TVP23B: variants seen among roughly 807,000 people sequenced by gnomAD.
TVP23B encodes Golgi apparatus membrane protein TVP23 homolog B.
In TVP23B, 10 loss-of-function variants were observed where a neutral mutation model predicts 30.6. The observed-to-expected ratio is 0.33, with a 90% CI of 0.20 to 0.55. The LOEUF (loss-of-function observed/expected upper bound fraction) is 0.55, where lower values mean the gene tolerates loss of function less well. TVP23B is among the 20% of genes least tolerant of loss of function. TVP23B has a pLI of 0.91. For missense variants in TVP23B, 153 were observed against 243.2 expected (o/e 0.63, Z 2.47); for synonymous variants, 67 against 83.1 (o/e 0.81, Z 1.06).
At chr17:18,804,896 G>A (rs1011013766) in intron 6 of TVP23B, among the ~76,000 whole-genome samples, 4 of 151,288 alleles carry the variant, frequency 2.6e-5, no homozygotes, top group African/African-American at 9.7e-5. Flanking sequence ...CCTGTATGTT[G>A]TATGGTTTTA....
chr17:18,804,877 C>T (rs1003462495), intron 6 of TVP23B, among the ~76,000 whole-genome samples: 3 of 151,148 alleles, frequency 2.0e-5, no homozygotes, highest in Admixed American at 6.6e-5. Context: ...CGTGAGCCAC[C>T]GTGCCCAGCC....
At position 18,797,580 on chromosome 17, in the gene TVP23B, A is replaced by C; in HGVS notation, c.242A>C (p.Asn81Thr). The change falls in exon 4 of 7, where the codon AAT becomes ACT. Residue 81 changes from asparagine (N) to threonine (T), a missense_variant and splice_region_variant. This residue lies in a region of TVP23B where 53 missense variants were observed against 128.0 expected (regional missense o/e 0.41). Coordinates refer to ENST00000307767, the MANE Select transcript of TVP23B (RefSeq NM_016078.6). ...CCTGTTTATATTAATCTTCACCAGA[A>C]TGTCACAGGTAGACTAATGGTTGGC... ...LLSCDFWAVK[N>T]VTGRLMVGLR... 6.2e-7 allele frequency: 1 copy of C among 1,612,564 alleles called. No individual in the cohort carries two copies. Among genetic ancestry groups the C allele is most frequent in the Non-Finnish European group, 8.5e-7 (1 of 1,179,358 alleles).
At chr17:18,791,597 C>T (rs1158906137) in intron 3 of TVP23B, among the ~76,000 whole-genome samples, 3 of 151,836 alleles carry the variant, frequency 2.0e-5, no homozygotes. Flanking sequence ...GAGGAGTGTG[C>T]TATTGACATC....
At chr17:18,783,107 T>TTATTTATC in intron 1 of TVP23B, among the ~76,000 whole-genome samples, 1 of 134,628 alleles carries the variant, frequency 7.4e-6, no homozygotes, top group African/African-American at 2.7e-5. Flanking sequence ...ATTGATTGAT[T>TTATTTATC]CATTCATTCA....
intron 1 of TVP23B, chr17:18,781,534 G>C (rs930640689): frequency 1.4e-5 from 9 of 657,660 alleles, no homozygotes; most frequent in African/African-American, 9.2e-5. Flanking sequence ...TCTTGCGGCT[G>C]TGGGGACGCC....
rs1242629769 is a variant in TVP23B at position 18,785,833 on chromosome 17, C to CA, written c.13-3508dup. Reference sequence around the variant, plus strand: ...CCTGGGCGAGAGCCAGACCCTGTGTCAAAAAAAAAAAATGGCCAGTCTGGG... The same window carrying CA: ...CCTGGGCGAGAGCCAGACCCTGTGTCAAAAAAAAAAAAATGGCCAGTCTGGG... On this transcript the variant is annotated intron_variant, in intron 1 of 6. Transcript: ENST00000307767. Among the ~76,000 whole-genome samples, 545 of 143,250 alleles carry CA rather than the reference C, an allele frequency of 3.8e-3. 3 individuals carry two copies. The highest frequency in any genetic ancestry group is 8.0e-3 in the South Asian group (36 of 4,504). 94.0% of individuals were successfully genotyped at this position (143,250 alleles called of 152,430 possible). A position where few individuals can be genotyped will look rare whatever the true frequency, so the allele number is the denominator to read the frequency against.
chr17:18,802,019 G>A (rs538881679), intron 5 of TVP23B, among the ~76,000 whole-genome samples: 5 of 152,018 alleles, frequency 3.3e-5, no homozygotes, highest in Admixed American at 2.0e-4. Flanking sequence ...TCAGGAGATC[G>A]AGACCATCCT....
intron 3 of TVP23B, among the ~76,000 whole-genome samples, chr17:18,795,426 C>A (rs897023527): frequency 2.0e-5 from 3 of 152,128 alleles, no homozygotes; most frequent in African/African-American, 4.8e-5. Context: ...CTCCTTCCTA[C>A]TCCATATCCA....
intron 1 of TVP23B, among the ~76,000 whole-genome samples, chr17:18,786,446 C>T (rs996272189): frequency 4.6e-5 from 7 of 150,614 alleles, no homozygotes; most frequent in African/African-American, 1.7e-4. Context: ...TGAGAGGTTT[C>T]AGTAGGGGAA....
chr17:18,783,857 G>C (rs1452080837), intron 1 of TVP23B, among the ~76,000 whole-genome samples: 4 of 152,186 alleles, frequency 2.6e-5, no homozygotes, highest in Admixed American at 2.0e-4. Flanking sequence ...CTTAAAAAAT[G>C]AAAACTTGGC....
chr17:18,802,443 G>C (rs2036182497), intron 5 of TVP23B, among the ~76,000 whole-genome samples: 1 of 151,946 alleles, frequency 6.6e-6, no homozygotes, highest in South Asian at 2.1e-4. Context: ...TTGGGTCATT[G>C]TTAGTTGGGA....
rs766706883 is a variant in TVP23B at position 18,789,462 on chromosome 17, G to A, written c.95+27G>A. ...TAGGAGGAGAGAAGTTGCATGAGCT[G>A]TGTTAGTGTCCAGTGCTGTTCTGTA... On this transcript the variant is annotated intron_variant, in intron 2 of 6. Coordinates refer to ENST00000307767, the MANE Select transcript of TVP23B (RefSeq NM_016078.6). 18 of 1,613,838 alleles carry A rather than the reference G, an allele frequency of 1.1e-5. No individual in the cohort carries two copies. The African/African-American group carries it at 2.0e-4, about 18-fold the overall frequency.
At chr17:18,791,573 A>G (rs2035995202) in intron 3 of TVP23B, among the ~76,000 whole-genome samples, 1 of 152,062 alleles carries the variant, frequency 6.6e-6, no homozygotes, top group African/African-American at 2.4e-5. Flanking sequence ...TTTGGTTGTC[A>G]TGACTGGAGG....
chr17:18,783,281 T>A (rs2035838663), intron 1 of TVP23B, among the ~76,000 whole-genome samples: 1 of 152,064 alleles, frequency 6.6e-6, no homozygotes, highest in African/African-American at 2.4e-5. Context: ...AATTTTTGTA[T>A]TTTTAGTAGA....
intron 5 of TVP23B, among the ~76,000 whole-genome samples, chr17:18,802,710 C>A (rs2036188359): frequency 1.3e-5 from 2 of 152,182 alleles, no homozygotes. Context: ...TCATGTCTGA[C>A]TTCACTGCAC....
intron 3 of TVP23B, chr17:18,797,259 A>C: frequency 3.4e-6 from 1 of 294,936 alleles, no homozygotes; most frequent in Non-Finnish European, 6.6e-6. Flanking sequence ...AAAGTAGGTC[A>C]CAGTAACCAA....
At chr17:18,794,357 G>A (rs2036043638) in intron 3 of TVP23B, among the ~76,000 whole-genome samples, 1 of 152,172 alleles carries the variant, frequency 6.6e-6, no homozygotes, top group African/African-American at 2.4e-5. Flanking sequence ...CAATGAAACA[G>A]AACTAGAAAT....
Position 18,804,237 on chromosome 17 carries a change from T to A in TVP23B, c.562T>A (p.Ser188Thr), listed in dbSNP as rs768512643. 3.1e-6 allele frequency: 5 copies of A among 1,606,324 alleles called. No homozygotes were observed. Among genetic ancestry groups the A allele is most frequent in the Non-Finnish European group, 4.3e-6 (5 of 1,175,092 alleles). The change falls in exon 6 of 7, where the codon TCA (serine) becomes ACA (threonine). Residue 188 changes from serine to threonine, a missense_variant. By Grantham distance (58) the Ser-to-Thr change is moderately conservative. This residue lies in a region of TVP23B where 62 missense variants were observed against 74.3 expected (regional missense o/e 0.83). Coordinates refer to ENST00000307767, the MANE Select transcript of TVP23B (RefSeq NM_016078.6). Reference sequence around the variant, plus strand: ...AAAGCATTTAACCAGCATGGCTACTTCATATTTTGGAAAGCAGTTTTTAAG... The same window carrying A: ...AAAGCATTTAACCAGCATGGCTACTACATATTTTGGAAAGCAGTTTTTAAG... ...SRKHLTSMATSYFGKQFLRQN... is the reference protein window; with the variant it reads ...SRKHLTSMATTYFGKQFLRQN...
chr17:18,787,785 TGTGATCTTC>T, intron 1 of TVP23B, among the ~76,000 whole-genome samples: 1 of 152,086 alleles, frequency 6.6e-6, no homozygotes, highest in Non-Finnish European at 1.5e-5. Context: ...CATTAGATTC[TGTGATCTTC>T]TATGCTTTAT....
Sources: allele counts gnomAD v4.1 joint callset (sites outside exome capture counted in the v4.1 genomes callset), GRCh38; gene constraint gnomAD v4.1.1; regional missense constraint gnomAD v4.1.1; transcripts MANE v1.5; gene names NCBI Gene and HGNC (gene_info 2026-07-23, HGNC 2026-07-21).